PDE1A: variants seen among roughly 807,000 people sequenced by gnomAD.
PDE1A encodes the protein phosphodiesterase 1A, also known as dual specificity calcium/calmodulin-dependent 3',5'-cyclic nucleotide phosphodiesterase 1A.
In PDE1A, 35 loss-of-function variants were observed where a neutral mutation model predicts 61.7. That is an observed-to-expected ratio of 0.57 (90% CI 0.43 to 0.75). PDE1A has a LOEUF of 0.75. Ranked by LOEUF, PDE1A falls within the 30% of genes least tolerant of loss-of-function variation. The pLI is 0.00. For missense variants in PDE1A, 597 were observed against 630.6 expected (o/e 0.95, Z 0.57); for synonymous variants, 232 against 213.2 (o/e 1.09, Z -0.77).
chr2:182,258,511 C>T (rs574505177), intron 2 of PDE1A, among the ~76,000 whole-genome samples: 9 of 152,114 alleles, frequency 5.9e-5, no homozygotes, highest in South Asian at 2.1e-4. Context: ...AACTATTGAA[C>T]GTTAGCATCA....
the PDE1A span, among the ~76,000 whole-genome samples, chr2:182,685,612 G>T: frequency 2.0e-5 from 3 of 152,152 alleles, no homozygotes; most frequent in East Asian, 1.9e-4. Flanking sequence ...CCTGTCAAAA[G>T]TTAGGACCAT....
At chr2:182,260,248 C>T (rs1692128039) in intron 2 of PDE1A, among the ~76,000 whole-genome samples, 1 of 152,128 alleles carries the variant, frequency 6.6e-6, no homozygotes, top group South Asian at 2.1e-4. Flanking sequence ...GCTCAACATT[C>T]AAACAATACC....
the PDE1A span, among the ~76,000 whole-genome samples, chr2:182,684,770 C>T: frequency 6.6e-6 from 1 of 152,020 alleles, no homozygotes; most frequent in South Asian, 2.1e-4. Context: ...AGGCTGGTCT[C>T]GAATTCCTGA....
chr2:182,499,173 G>GT (rs545033513), intron 2 of PDE1A, among the ~76,000 whole-genome samples: 5,604 of 77,306 alleles, frequency 0.072, 573 homozygotes, highest in Non-Finnish European at 0.092. Context: ...TCTTTTTCTT[G>GT]TTTTTTTTTT....
At chr2:182,449,355 A>AAGGG (rs1356390127) in intron 2 of PDE1A, among the ~76,000 whole-genome samples, 66 of 151,922 alleles carry the variant, frequency 4.3e-4, no homozygotes, top group Non-Finnish European at 7.4e-4. Flanking sequence ...GGAAGGAAGG[A>AAGGG]AGGGAGGGAG....
At chr2:182,622,769 G>C in the PDE1A span, among the ~76,000 whole-genome samples, 1 of 152,138 alleles carries the variant, frequency 6.6e-6, no homozygotes, top group African/African-American at 2.4e-5. Flanking sequence ...TAGGGACTCT[G>C]AGAGCCTGGT....
intron 2 of PDE1A, among the ~76,000 whole-genome samples, chr2:182,506,050 T>C (rs1264518893): frequency 6.6e-6 from 1 of 152,232 alleles, no homozygotes; most frequent in African/African-American, 2.4e-5. Context: ...TTAATCTATA[T>C]GCTAGCCATC....
chr2:182,373,532 T>A (rs1420096492), intron 1 of PDE1A, among the ~76,000 whole-genome samples: 1 of 152,220 alleles, frequency 6.6e-6, no homozygotes, highest in Non-Finnish European at 1.5e-5. Flanking sequence ...TAATAAATCA[T>A]TGTTTTAAAG....
At chr2:182,332,970 G>C (rs1697522205) in intron 1 of PDE1A, among the ~76,000 whole-genome samples, 1 of 152,102 alleles carries the variant, frequency 6.6e-6, no homozygotes, top group African/African-American at 2.4e-5. Flanking sequence ...ACAAATATCA[G>C]CATAGGCAAA....
the PDE1A span, among the ~76,000 whole-genome samples, chr2:182,692,675 AT>A: frequency 1.2e-4 from 17 of 147,572 alleles, no homozygotes; most frequent in African/African-American, 4.2e-4. Context: ...TAATAAAAAT[AT>A]ATATATATAT....
intron 10 of PDE1A, among the ~76,000 whole-genome samples, chr2:182,201,086 C>T (rs966027643): frequency 3.3e-5 from 5 of 152,122 alleles, no homozygotes; most frequent in African/African-American, 9.7e-5. Context: ...AAGATTTATG[C>T]AGAACTGTTA....
At chr2:182,662,341 G>C in the PDE1A span, among the ~76,000 whole-genome samples, 125 of 137,988 alleles carry the variant, frequency 9.1e-4, 1 homozygote, top group East Asian at 0.022. Flanking sequence ...AAAAAAAAAA[G>C]AAAAAAAAAA....
At chr2:182,693,390 A>C in the PDE1A span, among the ~76,000 whole-genome samples, 3 of 152,094 alleles carry the variant, frequency 2.0e-5, no homozygotes, top group South Asian at 6.2e-4. Flanking sequence ...ACATAACCAC[A>C]ATACTGTATT....
chr2:182,498,971 C>T (rs909409287), intron 2 of PDE1A, among the ~76,000 whole-genome samples: 1 of 151,214 alleles, frequency 6.6e-6, no homozygotes, highest in African/African-American at 2.4e-5. Flanking sequence ...AATGACCCTA[C>T]TAAGGTTTTT....
At chr2:182,577,854 A>C in the PDE1A span, among the ~76,000 whole-genome samples, 1 of 151,630 alleles carries the variant, frequency 6.6e-6, no homozygotes, top group African/African-American at 2.4e-5. Flanking sequence ...TGGGAGGCAG[A>C]GGTTGCAGTG....
At chr2:182,156,984 T>TTTATTA (rs969970753) in intron 13 of PDE1A, among the ~76,000 whole-genome samples, 1 of 150,040 alleles carries the variant, frequency 6.7e-6, no homozygotes, top group East Asian at 1.9e-4. Context: ...TTTTTATTTT[T>TTTATTA]TTATTATTAT....
upstream of PDE1A, among the ~76,000 whole-genome samples, chr2:182,429,851 A>G (rs1574638907): frequency 6.6e-6 from 1 of 152,288 alleles, no homozygotes; most frequent in South Asian, 2.1e-4. Flanking sequence ...AATGGCAAAA[A>G]GGTCATTTGA....
chr2:182,596,460 G>C, the PDE1A span, among the ~76,000 whole-genome samples: 1 of 152,186 alleles, frequency 6.6e-6, no homozygotes, highest in Non-Finnish European at 1.5e-5. Context: ...CATCGCAAGG[G>C]GAGAAGGAAA....
At chr2:182,151,098 AT>A (rs1379912561) in intron 13 of PDE1A, among the ~76,000 whole-genome samples, 2 of 151,952 alleles carry the variant, frequency 1.3e-5, no homozygotes, top group Non-Finnish European at 2.9e-5. Flanking sequence ...TATTATTATT[AT>A]TTTTTGAGAC....
Sources: gnomAD v4.1 joint callset for allele counts (sites outside exome capture counted in the v4.1 genomes callset) on GRCh38, gnomAD v4.1.1 for gene constraint, MANE v1.5 for transcripts, NCBI Gene and HGNC (gene_info 2026-07-23, HGNC 2026-07-21) for gene names.